Variants in HIVEP1 observed in about 807,000 individuals in gnomAD.
HIVEP1 encodes the protein HIVEP zinc finger 1.
A neutral mutation model predicts 180.0 loss-of-function variants in HIVEP1; 36 were observed. The observed-to-expected ratio is 0.20, with a 90% CI of 0.15 to 0.26. HIVEP1 has a LOEUF of 0.26. Ranked by LOEUF, HIVEP1 falls within the 10% of genes least tolerant of loss-of-function variation. HIVEP1 has a pLI of 1.00. For missense variants in HIVEP1, 3,143 were observed against 3,268.7 expected (o/e 0.96, Z 0.94); for synonymous variants, 1,239 against 1,239.0 (o/e 1.00, Z 0.00).
At chr6:12,210,058 G>A in the HIVEP1 span, among the ~76,000 whole-genome samples, 1 of 151,884 alleles carries the variant, frequency 6.6e-6, no homozygotes, top group Non-Finnish European at 1.5e-5. Context: ...AACCAGGATC[G>A]TGCCACTGCA....
chr6:12,022,658 C>T (rs187605340), intron 2 of HIVEP1, among the ~76,000 whole-genome samples: 84 of 152,286 alleles, frequency 5.5e-4, no homozygotes, highest in African/African-American at 7.0e-4. Flanking sequence ...ACAGGGTACA[C>T]GCTCAATCCA....
At position 12,123,878 on chromosome 6, in the gene HIVEP1, G is replaced by A; in HGVS notation, c.4083G>A (p.Arg1361=). Residue 1361 remains arginine, a synonymous_variant, in exon 4 of 9, where the codon CGG becomes CGA. Transcript: ENST00000379388. ...LNTLNVPGCH[R]EMRRTASEQI... is the part of the protein sequence containing the mutation. Reference sequence around the variant, plus strand: ...CTCTGAATGTTCCTGGATGTCACCGGGAAATGAGGCGTACTGCATCAGAAC... The same window carrying A: ...CTCTGAATGTTCCTGGATGTCACCGAGAAATGAGGCGTACTGCATCAGAAC... 2 of 1,614,138 alleles carry A rather than the reference G, an allele frequency of 1.2e-6. No homozygotes were observed. The highest frequency in any genetic ancestry group is 2.2e-5 in the South Asian group (2 of 91,072).
chr6:12,052,398 T>C lies in HIVEP1; in HGVS notation c.40+36730T>C, dbSNP rs576993491. On this transcript the variant is annotated intron_variant, in intron 2 of 8. Transcript: ENST00000379388. ...TCTTAAACATCATTTAAAAAATTAA[T>C]GTTCTAAATATACCTCCAATAGTAC... 2.0e-5 allele frequency among the ~76,000 whole-genome samples: 3 copies of C among 152,374 alleles called. No homozygotes were observed. The East Asian group carries it at 5.8e-4, about 29-fold the overall frequency.
rs3070558 is a variant in HIVEP1 at position 12,153,571 on chromosome 6, C to CAA, written c.6488-7847_6488-7846dup. On this transcript the variant is annotated intron_variant, in intron 7 of 8. Coordinates refer to ENST00000379388, the MANE Select transcript of HIVEP1 (RefSeq NM_002114.4). Reference sequence around the variant, plus strand: ...CATATGTACAATAGAGTAAGAAATGCAAAAAAAAAAAAAAAAAAAAAATAG... The same window carrying CAA: ...CATATGTACAATAGAGTAAGAAATGCAAAAAAAAAAAAAAAAAAAAAAAATAG... Among the ~76,000 whole-genome samples the CAA allele has an allele frequency of 5.1e-3, 478 of 94,588 alleles. 3 individuals are homozygous for CAA. Among genetic ancestry groups the CAA allele is most frequent in the African/African-American group, 0.017 (464 of 26,516 alleles). 62.1% of individuals were successfully genotyped at this position (94,588 alleles called of 152,430 possible). A position where few individuals can be genotyped will look rare whatever the true frequency, so the allele number is the denominator to read the frequency against.
At position 12,015,562 on chromosome 6, in the gene HIVEP1, C is replaced by A; in HGVS notation, c.-67C>A. ...ATTGATGTATGTTGAGTTTATGGAG[C>A]TGCCTTTTGGTGGCTTGCTTTATCT... On this transcript the variant is annotated 5_prime_UTR_variant, in exon 2 of 9. It adds an upstream start codon to the 5' untranslated region. Coordinates refer to ENST00000379388, the MANE Select transcript of HIVEP1 (RefSeq NM_002114.4). 1.5e-6 allele frequency: 2 copies of A among 1,309,798 alleles called. No homozygotes were observed. The highest frequency in any genetic ancestry group is 2.2e-6 in the Non-Finnish European group (2 of 912,552). 81.1% of individuals were successfully genotyped at this position (1,309,798 alleles called of 1,614,324 possible). A position where few individuals can be genotyped will look rare whatever the true frequency, so the allele number is the denominator to read the frequency against.
intron 2 of HIVEP1, among the ~76,000 whole-genome samples, chr6:12,079,979 T>TCTATCTA (rs74285815): frequency 2.6e-5 from 4 of 151,600 alleles, no homozygotes; most frequent in Admixed American, 6.6e-5. Flanking sequence ...TATCTATCTA[T>TCTATCTA]ATCTGGTCTT....
chr6:12,108,817 C>G (rs1233513484), intron 3 of HIVEP1, among the ~76,000 whole-genome samples: 4 of 152,228 alleles, frequency 2.6e-5, no homozygotes, highest in Non-Finnish European at 4.4e-5. Context: ...TGGCCTTGGC[C>G]AGCCCAGAAA....
chr6:12,097,497 G>C (rs552572164), intron 3 of HIVEP1, among the ~76,000 whole-genome samples: 2 of 151,844 alleles, frequency 1.3e-5, no homozygotes, highest in Non-Finnish European at 2.9e-5. Flanking sequence ...AACAGTAACA[G>C]ATTTTTTATT....
the HIVEP1 span, among the ~76,000 whole-genome samples, chr6:12,211,183 A>T: frequency 2.8e-5 from 4 of 142,172 alleles, no homozygotes; most frequent in African/African-American, 1.1e-4. Context: ...GCGGATCACG[A>T]GGTCAGGAGA....
At chr6:12,134,802 G>T (rs1204868238) in intron 6 of HIVEP1, among the ~76,000 whole-genome samples, 1 of 152,214 alleles carries the variant, frequency 6.6e-6, no homozygotes, top group Non-Finnish European at 1.5e-5. Context: ...CATACTTAAA[G>T]AGGTCGATAC....
intron 4 of HIVEP1, 62 bp downstream of exon 4, chr6:12,125,932 A>T: frequency 2.3e-6 from 2 of 877,358 alleles, no homozygotes; most frequent in Non-Finnish European, 3.5e-6. Context: ...ATGTGTCTTG[A>T]TACCTTTAAA....
chr6:12,011,919 CG>C (rs1190402827), upstream of HIVEP1: 1 of 144,714 alleles, frequency 6.9e-6, no homozygotes, highest in Non-Finnish European at 1.5e-5. Context: ...CTCCCGCCCC[CG>C]GGGATCCCCT....
At chr6:12,131,416 T>G (rs1168084132) in intron 6 of HIVEP1, among the ~76,000 whole-genome samples, 2 of 142,840 alleles carry the variant, frequency 1.4e-5, no homozygotes. Context: ...CATAGCCATT[T>G]TTTTTCACAA....
In HIVEP1 at chr6:12,074,405, G is replaced by T. The variant is rs1258284600; in HGVS notation, c.41-14779G>T. ...ATAAGAATAGTGTGTACTAGTAAGA[G>T]CTATATTACTATATTATTTGGGGAG... is the stretch of plus-strand genomic sequence containing the variant. On this transcript the variant is annotated intron_variant, in intron 2 of 8. Coordinates refer to ENST00000379388, the MANE Select transcript of HIVEP1 (RefSeq NM_002114.4). Among the ~76,000 whole-genome samples the T allele has an allele frequency of 5.9e-5, 9 of 152,260 alleles. No individual in the cohort carries two copies. The East Asian group carries it at 1.7e-3, about 29-fold the overall frequency.
downstream of HIVEP1, among the ~76,000 whole-genome samples, chr6:12,167,730 A>C (rs187222892): frequency 0.014 from 1,621 of 115,086 alleles, 56 homozygotes; most frequent in African/African-American, 0.049. Flanking sequence ...ATATACATAT[A>C]TACATGTGTA....
chr6:12,031,302 G>T (rs1342004514), intron 2 of HIVEP1, among the ~76,000 whole-genome samples: 3 of 152,154 alleles, frequency 2.0e-5, no homozygotes, highest in Non-Finnish European at 4.4e-5. Flanking sequence ...AGTGTGCAGA[G>T]GTTAGGAGAC....
rs1275190742 is a variant in HIVEP1, at chr6:12,163,597, C to G, written c.7293C>G (p.Val2431=). The G allele has an allele frequency of 6.2e-7, 1 of 1,614,106 alleles. No homozygotes were observed. The highest frequency in any genetic ancestry group is 8.5e-7 in the Non-Finnish European group (1 of 1,180,048). ...CAGTGCAGCTCACGATCCCTGCTGT[C>G]AGTGTCGTTCACAGAACTTTGGGTA... ...AGPVQLTIPA[V]SVVHRTLGTH... Residue 2431 remains valine (V), a synonymous_variant, in exon 9 of 9, where the codon GTC becomes GTG. Transcript: ENST00000379388.
chr6:12,166,083 T>A (rs1415397379), downstream of HIVEP1, among the ~76,000 whole-genome samples: 1 of 152,234 alleles, frequency 6.6e-6, no homozygotes, highest in Admixed American at 6.5e-5. Context: ...TGGAAAGAAT[T>A]CTGGAAATAT....
rs1220971942 is a variant in HIVEP1, at chr6:12,065,696, T to TGTGC, written c.41-23485_41-23484insCGTG. ...GTGTGTGTGTGTGTGTGTGTGCGTG[T>TGTGC]GTGTGTGTGTGTGTGTGCATTGAAT... On this transcript the variant is annotated intron_variant, in intron 2 of 8. Coordinates refer to ENST00000379388, the MANE Select transcript of HIVEP1 (RefSeq NM_002114.4). Among the ~76,000 whole-genome samples, 327 of 142,450 alleles carry TGTGC rather than the reference T, an allele frequency of 2.3e-3. 1 individual carries two copies. The highest frequency in any genetic ancestry group is 3.8e-3 in the Non-Finnish European group (239 of 63,578). 93.5% of individuals were successfully genotyped at this position (142,450 alleles called of 152,430 possible). A position where few individuals can be genotyped will look rare whatever the true frequency, so the allele number is the denominator to read the frequency against.
Sources: gnomAD v4.1 joint callset for allele counts (sites outside exome capture counted in the v4.1 genomes callset) on GRCh38, gnomAD v4.1.1 for gene constraint, MANE v1.5 for transcripts, NCBI Gene and HGNC (gene_info 2026-07-23, HGNC 2026-07-21) for gene names.